The following MTNR1A variants were observed in gnomAD, a reference collection of about 807,000 sequenced individuals.
MTNR1A encodes the protein melatonin receptor 1A, also known as melatonin receptor type 1A.
In MTNR1A, 7 loss-of-function variants were observed where a neutral mutation model predicts 5.5. That is an observed-to-expected ratio of 1.28 (90% CI 0.73 to 2.40). The LOEUF is 2.40. Among genes scored for constraint, MTNR1A ranks in the 30% most tolerant of loss-of-function variants. The probability of loss-of-function intolerance (pLI) is 0.00; values close to 1 mark genes in which losing one functional copy is unlikely to be tolerated. For synonymous variants in MTNR1A, 196 were observed against 202.7 expected, an observed-to-expected ratio of 0.97 and a Z score of 0.28; for missense variants, 441 against 464.4, an observed-to-expected ratio of 0.95 and a Z score of 0.46.
At chr4:186,539,001 G>A (rs1437151350) in intron 1 of MTNR1A, among the ~76,000 whole-genome samples, 2 of 152,008 alleles carry the variant, frequency 1.3e-5, no homozygotes, top group African/African-American at 4.8e-5. Flanking sequence ...GGGGGATCAC[G>A]AGGTCACGAG....
rs1459395312 is a variant in MTNR1A at position 186,541,445 on chromosome 4, G to A, written c.185-6888C>T. Among the ~76,000 whole-genome samples the A allele has an allele frequency of 2.6e-5, 4 of 151,618 alleles. No homozygotes were observed. The South Asian group carries it at 8.6e-4, about 32-fold the overall frequency. On this transcript the variant is annotated intron_variant, in intron 1 of 1. Transcript: ENST00000307161. Reference sequence around the variant, plus strand: ...TGGTCAGCTAGATTCATGGGCAGTGGCTAATGGTCAGCTCGATCAGGTTGG... The same window carrying A: ...TGGTCAGCTAGATTCATGGGCAGTGACTAATGGTCAGCTCGATCAGGTTGG...
intron 1 of MTNR1A, among the ~76,000 whole-genome samples, chr4:186,536,475 C>T (rs555807775): frequency 1.3e-5 from 2 of 152,280 alleles, no homozygotes; most frequent in South Asian, 2.1e-4. Context: ...CCCAGGTGGA[C>T]GGACAGAAGA....
Position 186,533,925 on chromosome 4 carries a change from G to A in MTNR1A, c.817C>T (p.Pro273Ser). 1 of 1,614,152 alleles carries A rather than the reference G, an allele frequency of 6.2e-7. No individual in the cohort carries two copies. The highest frequency in any genetic ancestry group is 1.3e-5 in the African/African-American group (1 of 75,034). ...SDPASMVPRI[P>S]EWLFVASYYM... ...TAACTGGCCACAAACAGCCACTCTG[G>A]GATCCTAGGCACCATGCTGGCGGGG... The change falls in exon 2 of 2, where the codon CCA becomes TCA. Residue 273 changes from proline (P) to serine (S), a missense_variant. Coordinates refer to ENST00000307161, the MANE Select transcript of MTNR1A (RefSeq NM_005958.4).
intron 1 of MTNR1A, among the ~76,000 whole-genome samples, chr4:186,554,154 C>G (rs1413598366): frequency 6.6e-6 from 1 of 150,656 alleles, no homozygotes; most frequent in Non-Finnish European, 1.5e-5. Flanking sequence ...ATTCAATTTA[C>G]TGACTCAAAC....
At chr4:186,547,527 G>T (rs112761212) in intron 1 of MTNR1A, among the ~76,000 whole-genome samples, 2,417 of 152,168 alleles carry the variant, frequency 0.016, 68 homozygotes, top group African/African-American at 0.055. Flanking sequence ...TGGTACTCGC[G>T]GTTGTCTGAA....
At chr4:186,554,438 G>A (rs1253349612) in intron 1 of MTNR1A, among the ~76,000 whole-genome samples, 1 of 152,168 alleles carries the variant, frequency 6.6e-6, no homozygotes, top group Non-Finnish European at 1.5e-5. Flanking sequence ...TCATCACTCA[G>A]AGGTCTGAAC....
At chr4:186,545,493 C>T (rs574804483) in intron 1 of MTNR1A, among the ~76,000 whole-genome samples, 2 of 152,330 alleles carry the variant, frequency 1.3e-5, no homozygotes, top group South Asian at 4.1e-4. Context: ...ATATTAGGTG[C>T]TCGGAAATAA....
At chr4:186,549,411 G>A (rs879851680) in intron 1 of MTNR1A, among the ~76,000 whole-genome samples, 5 of 152,134 alleles carry the variant, frequency 3.3e-5, no homozygotes, top group Non-Finnish European at 4.4e-5. Flanking sequence ...TAGTTATGCC[G>A]TGTCTCTACC....
chr4:186,539,078 G>A (rs1233816145), intron 1 of MTNR1A, among the ~76,000 whole-genome samples: 3 of 151,972 alleles, frequency 2.0e-5, no homozygotes, highest in African/African-American at 4.8e-5. Context: ...TTAGCTGGGC[G>A]TGGTGGTGCG....
intron 1 of MTNR1A, among the ~76,000 whole-genome samples, chr4:186,553,510 T>C (rs965773540): frequency 3.3e-5 from 5 of 152,214 alleles, no homozygotes; most frequent in African/African-American, 1.2e-4. Context: ...TTTTACTTTT[T>C]ATTTTATTTT....
intron 1 of MTNR1A, among the ~76,000 whole-genome samples, chr4:186,541,237 C>G (rs1159396044): frequency 1.3e-5 from 2 of 152,178 alleles, no homozygotes. Context: ...TCAGTACAGC[C>G]CTGAAAAACA....
rs769155491 is a variant in MTNR1A at position 186,534,378 on chromosome 4, C to T, written c.364G>A (p.Ala122Thr). Reference protein sequence around the residue: ...IGSIFNITGIAINRYCYICHS... With the variant: ...IGSIFNITGITINRYCYICHS... The stretch of plus-strand genomic sequence containing the variant: ...CAGATGTAGCAGTAGCGGTTGATGG[C>T]GATGCCGGTGATGTTGAATATGGAG... Residue 122 changes from alanine (A) to threonine (T), a missense_variant, in exon 2 of 2, where the codon GCC (alanine) becomes ACC (threonine). Physicochemically the swap from Ala to Thr is moderately conservative, Grantham distance 58. Transcript: ENST00000307161. 19 of 1,613,936 alleles carry T rather than the reference C, an allele frequency of 1.2e-5. No individual in the cohort carries two copies.
chr4:186,555,373 G>A lies in MTNR1A; in HGVS notation c.-8C>T, dbSNP rs1455070269. 6.9e-7 allele frequency: 1 copy of A among 1,439,554 alleles called. No individual in the cohort carries two copies. Among genetic ancestry groups the A allele is most frequent in the Admixed American group, 2.8e-5 (1 of 36,214 alleles). The allele number at this position is 1,439,554 out of a possible 1,614,324, so 89.2% of individuals were successfully genotyped here. Reference sequence around the variant, plus strand: ...GCTGCCGTTGCCCTGCATGGTCCCTGTGCGCGTCCCGGCCGCGGGGCCATC... The same window carrying A: ...GCTGCCGTTGCCCTGCATGGTCCCTATGCGCGTCCCGGCCGCGGGGCCATC... On this transcript the variant is annotated 5_prime_UTR_variant, in exon 1 of 2. The change creates a premature stop within an existing upstream ORF in the 5' untranslated region. Coordinates refer to ENST00000307161, the MANE Select transcript of MTNR1A (RefSeq NM_005958.4). The surrounding 1 kb of genome is among the most constrained non-coding windows in gnomAD (Gnocchi z 4.1).
Position 186,555,270 on chromosome 4 carries a change from G to T in MTNR1A, c.96C>A (p.Cys32Ter). The T allele has an allele frequency of 1.9e-6, 3 of 1,554,646 alleles. No individual in the cohort carries two copies. Among genetic ancestry groups the T allele is most frequent in the Non-Finnish European group, 2.6e-6 (3 of 1,150,446 alleles). The change falls in exon 1 of 2, where the codon TGC becomes TGA. Residue 32 changes from cysteine (C) to a stop codon, truncating the protein, a stop_gained. Coordinates refer to ENST00000307161, the MANE Select transcript of MTNR1A (RefSeq NM_005958.4). LOFTEE classifies it high-confidence loss of function. This position sits in a 1 kb window ranked among gnomAD's most constrained non-coding sequence, Gnocchi z 4.1. Reference sequence around the variant, plus strand: ...CCACCACGATGGTGAAGATGAGGACGCAGGCCAGGGCGGACGCCAGCCACG... The same window carrying T: ...CCACCACGATGGTGAAGATGAGGACTCAGGCCAGGGCGGACGCCAGCCACG... Reference protein sequence around the residue: ...RPSWLASALACVLIFTIVVDI... With the variant: ...RPSWLASALA
Position 186,555,106 on chromosome 4 carries a change from C to G in MTNR1A, c.184+76G>C. 1 of 1,451,520 alleles carries G rather than the reference C, an allele frequency of 6.9e-7. No individual in the cohort carries two copies. The allele number at this position is 1,451,520 out of a possible 1,614,324, so 89.9% of individuals were successfully genotyped here. ...AGTGTTTAGGAAAAAGAACCAAGTG[C>G]TTGGGGAAGGCTGGCTGCCCGCGGA... is the stretch of plus-strand genomic sequence containing the variant. On this transcript the variant is annotated intron_variant, in intron 1 of 1. Transcript: ENST00000307161. The surrounding 1 kb of genome is among the most constrained non-coding windows in gnomAD (Gnocchi z 4.1).
intron 1 of MTNR1A, among the ~76,000 whole-genome samples, chr4:186,539,219 A>AG (rs1736951173): frequency 1.4e-5 from 2 of 142,306 alleles, no homozygotes; most frequent in South Asian, 4.3e-4. Context: ...CCATTAAAAA[A>AG]AAAAAAAAAA....
intron 1 of MTNR1A, among the ~76,000 whole-genome samples, chr4:186,544,313 C>T (rs1737091994): frequency 6.6e-6 from 1 of 152,188 alleles, no homozygotes; most frequent in South Asian, 2.1e-4. Context: ...GCCACCATGC[C>T]CGGCCTGCAG....
chr4:186,546,636 G>A (rs548959480), intron 1 of MTNR1A, among the ~76,000 whole-genome samples: 7 of 146,366 alleles, frequency 4.8e-5, no homozygotes, highest in South Asian at 4.5e-4. Context: ...CACACCATCC[G>A]CCTCGCTCCC....
At chr4:186,534,898 G>C (rs1358550607) in intron 1 of MTNR1A, among the ~76,000 whole-genome samples, 1 of 152,172 alleles carries the variant, frequency 6.6e-6, no homozygotes, top group Non-Finnish European at 1.5e-5. Context: ...TACATCACCT[G>C]AGAAATCTCA....
Sources: allele counts gnomAD v4.1 joint callset (sites outside exome capture counted in the v4.1 genomes callset), GRCh38; gene constraint gnomAD v4.1.1; non-coding constraint Gnocchi (gnomAD v3.1); transcripts MANE v1.5; gene names NCBI Gene and HGNC (gene_info 2026-07-23, HGNC 2026-07-21).